ADAMTS18: variants seen among roughly 807,000 people sequenced by gnomAD.
ADAMTS18 encodes A disintegrin and metalloproteinase with thrombospondin motifs 18.
A neutral mutation model predicts 165.9 loss-of-function variants in ADAMTS18; 157 were observed. The ratio of observed to expected loss-of-function variants is 0.95; its 90% CI spans 0.83 to 1.08. The LOEUF is 1.08. Ranked by LOEUF, ADAMTS18 falls within the 50% of genes least tolerant of loss-of-function variation. The pLI, the probability that ADAMTS18 is intolerant of heterozygous loss-of-function variation, is 0.00. For missense variants in ADAMTS18, 2,040 were observed against 1,534.0 expected (o/e 1.33, Z -5.51); for synonymous variants, 782 against 578.2 (o/e 1.35, Z -5.06).
At position 77,329,764 on chromosome 16, in the gene ADAMTS18, A is replaced by G. The variant is rs143811659; in HGVS notation, c.1860-3726T>C. On this transcript the variant is annotated intron_variant, in intron 12 of 22. Coordinates refer to ENST00000282849, the MANE Select transcript of ADAMTS18 (RefSeq NM_199355.4). Reference sequence around the variant, plus strand: ...GCAATATTTTTCTGCAGCTTTGAACATAAGTGTTAGCCTAACAGACAATTC... The same window carrying G: ...GCAATATTTTTCTGCAGCTTTGAACGTAAGTGTTAGCCTAACAGACAATTC... 1.2e-3 allele frequency among the ~76,000 whole-genome samples: 181 copies of G among 152,298 alleles called. 3 individuals are homozygous for G. The highest frequency in any genetic ancestry group is 5.8e-3 in the East Asian group (30 of 5,182).
rs1254764361 is a variant in ADAMTS18, at chr16:77,434,596, C to A, written c.90+10G>T. ...CACCCGCTCTCGGAGCTCCGCTCGG[C>A]GGCACCTGCCTTGGCCACGCGCCCC... On this transcript the variant is annotated intron_variant, in intron 1 of 22. Transcript: ENST00000282849. The A allele has an allele frequency of 9.8e-6, 15 of 1,526,314 alleles. No homozygotes were observed. The highest frequency in any genetic ancestry group is 1.3e-5 in the Non-Finnish European group (15 of 1,141,970). 94.5% of individuals were successfully genotyped at this position (1,526,314 alleles called of 1,614,324 possible).
intron 3 of ADAMTS18, among the ~76,000 whole-genome samples, chr16:77,380,220 T>C (rs2057011753): frequency 6.6e-6 from 1 of 152,234 alleles, no homozygotes; most frequent in Admixed American, 6.5e-5. Flanking sequence ...CAGTGGTTTA[T>C]GCTCCTGACA....
Position 77,363,326 on chromosome 16 carries a change from A to G in ADAMTS18, c.1056+476T>C, listed in dbSNP as rs565395159. ...TTACCTAAGATGGTACTGGGGATAC[A>G]GTAGGTTTACTACAATAATTTTCTG... On this transcript the variant is annotated intron_variant, in intron 6 of 22. Coordinates refer to ENST00000282849, the MANE Select transcript of ADAMTS18 (RefSeq NM_199355.4). Among the ~76,000 whole-genome samples, 86 of 152,284 alleles carry G rather than the reference A, an allele frequency of 5.6e-4. No homozygotes were observed. The South Asian group carries it at 0.018, about 31-fold the overall frequency.
At chr16:77,289,548 G>A in intron 21 of ADAMTS18, 137 bp from the exon 22 acceptor site, 1 of 971,976 alleles carries the variant, frequency 1.0e-6, no homozygotes, top group East Asian at 2.6e-5. Context: ...AGGCACATGT[G>A]CTTACAGTCC....
At chr16:77,434,276 C>T (rs1415624369) in intron 2 of ADAMTS18, 142 bp downstream of exon 2, 2 of 986,960 alleles carry the variant, frequency 2.0e-6, no homozygotes, top group African/African-American at 1.6e-5. Flanking sequence ...ACCTTCCCCC[C>T]TCTCCAAACA....
At chr16:77,411,509 A>G (rs1053638625) in intron 3 of ADAMTS18, among the ~76,000 whole-genome samples, 1 of 152,078 alleles carries the variant, frequency 6.6e-6, no homozygotes, top group African/African-American at 2.4e-5. Flanking sequence ...GACACTAGCC[A>G]TCTAGTACAG....
chr16:77,291,453 A>G lies in ADAMTS18; in HGVS notation c.3215T>C (p.Val1072Ala). Reference protein sequence around the residue: ...SECSATCGLGVRKREMKCSEK... With the variant: ...SECSATCGLGARKREMKCSEK... ...GCTGCACTTCATCTCCCTCTTCCTC[A>G]CACCCAAACCACAGGTTGCAGAACA... Residue 1072 changes from valine (V) to alanine (A), a missense_variant, in exon 21 of 23, where the codon GTG (valine) becomes GCG (alanine). Transcript: ENST00000282849. 1.2e-6 allele frequency: 2 copies of G among 1,614,076 alleles called. No individual in the cohort carries two copies. Among genetic ancestry groups the G allele is most frequent in the Non-Finnish European group, 1.7e-6 (2 of 1,179,972 alleles).
At chr16:77,310,081 T>A (rs2055752249) in intron 16 of ADAMTS18, among the ~76,000 whole-genome samples, 1 of 152,198 alleles carries the variant, frequency 6.6e-6, no homozygotes, top group African/African-American at 2.4e-5. Flanking sequence ...TCAGAGGATT[T>A]CAGTGCTGAA....
chr16:77,380,539 A>C (rs1446112748), intron 3 of ADAMTS18, among the ~76,000 whole-genome samples: 1 of 152,220 alleles, frequency 6.6e-6, no homozygotes, highest in Non-Finnish European at 1.5e-5. Context: ...AACTCTTTTT[A>C]AGCTCTATGT....
intron 10 of ADAMTS18, among the ~76,000 whole-genome samples, chr16:77,352,042 A>G (rs1161780718): frequency 6.6e-6 from 1 of 152,156 alleles, no homozygotes; most frequent in African/African-American, 2.4e-5. Flanking sequence ...CCAATTTGTT[A>G]GTTTTTACAG....
intron 8 of ADAMTS18, among the ~76,000 whole-genome samples, chr16:77,358,103 G>A (rs2056657792): frequency 6.6e-6 from 1 of 152,162 alleles, no homozygotes; most frequent in Admixed American, 6.5e-5. Context: ...TGTTCTTAGT[G>A]AGCATTTTCG....
chr16:77,355,914 G>A, intron 9 of ADAMTS18, 26 bp downstream of exon 9: 2 of 1,613,730 alleles, frequency 1.2e-6, no homozygotes, highest in Non-Finnish European at 1.7e-6. Flanking sequence ...AAACCTAGGA[G>A]CACCCCAGGA....
intron 10 of ADAMTS18, among the ~76,000 whole-genome samples, chr16:77,353,081 A>C (rs148532098): frequency 6.7e-6 from 1 of 148,478 alleles, no homozygotes; most frequent in Non-Finnish European, 1.5e-5. Context: ...CTCTGTCTCA[A>C]AACAACAACA....
rs1175522619 is a variant in ADAMTS18, at chr16:77,298,165, C to A, written c.2675-750G>T. ...ACTCCTGACCTCAGTGATTCACCGG[C>A]CTCAGCCCCCAAAGTGCTGGTATTA... On this transcript the variant is annotated intron_variant, in intron 17 of 22. Transcript: ENST00000282849. Among the ~76,000 whole-genome samples the A allele has an allele frequency of 2.6e-5, 4 of 152,000 alleles. No individual in the cohort carries two copies. In the East Asian group the frequency reaches 7.8e-4, roughly 29 times the overall value.
intron 11 of ADAMTS18, among the ~76,000 whole-genome samples, chr16:77,338,243 G>A (rs8063903): frequency 0.021 from 3,165 of 151,902 alleles, 112 homozygotes; most frequent in African/African-American, 0.073. Flanking sequence ...TGTTGTTGTT[G>A]TTGTTGTTTT....
chr16:77,291,741 T>C (rs2055368610), intron 20 of ADAMTS18, among the ~76,000 whole-genome samples: 1 of 152,146 alleles, frequency 6.6e-6, no homozygotes, highest in Admixed American at 6.5e-5. Context: ...AAAAGGAACC[T>C]TGGGATGCCA....
intron 17 of ADAMTS18, among the ~76,000 whole-genome samples, chr16:77,298,294 T>C (rs1212795076): frequency 6.6e-6 from 1 of 152,148 alleles, no homozygotes; most frequent in Non-Finnish European, 1.5e-5. Flanking sequence ...GGGGCATATA[T>C]TTTTTTAAAA....
At chr16:77,428,759 C>A (rs1250372101) in intron 3 of ADAMTS18, among the ~76,000 whole-genome samples, 1 of 152,092 alleles carries the variant, frequency 6.6e-6, no homozygotes. Flanking sequence ...AGATTTTTTG[C>A]ATTAGAGATG....
At chr16:77,314,176 T>C (rs8063930) in intron 16 of ADAMTS18, among the ~76,000 whole-genome samples, 7 of 152,254 alleles carry the variant, frequency 4.6e-5, no homozygotes, top group African/African-American at 1.2e-4. Flanking sequence ...TATCTCCAGT[T>C]AGGAAGATGA....
Sources: gnomAD v4.1 joint callset for allele counts (sites outside exome capture counted in the v4.1 genomes callset) on GRCh38, gnomAD v4.1.1 for gene constraint, MANE v1.5 for transcripts, NCBI Gene and HGNC (gene_info 2026-07-23, HGNC 2026-07-21) for gene names.